The following IQCJ variants were observed in gnomAD, a reference collection of about 807,000 sequenced individuals.
The protein encoded by IQCJ is IQ motif containing J.
A neutral mutation model predicts 11.0 loss-of-function variants in IQCJ; 9 were observed. The observed-to-expected ratio is 0.82, with a 90% confidence interval of 0.49 to 1.43. The LOEUF (loss-of-function observed/expected upper bound fraction) is 1.43. Ranked by LOEUF, IQCJ falls within the 40% of genes most tolerant of loss-of-function variation. The pLI is 0.00. For synonymous variants in IQCJ, 55 were observed against 51.3 expected, an observed-to-expected ratio of 1.07 and a Z score of -0.31; for missense variants, 146 against 133.2, an observed-to-expected ratio of 1.10 and a Z score of -0.47.
At chr3:159,108,248 A>G (rs1000459468) in intron 1 of IQCJ, among the ~76,000 whole-genome samples, 1 of 152,204 alleles carries the variant, frequency 6.6e-6, no homozygotes, top group African/African-American at 2.4e-5. Flanking sequence ...CTTTTATGTC[A>G]GCAATAATGA....
chr3:159,094,323 A>G (rs377367504), intron 1 of IQCJ, among the ~76,000 whole-genome samples: 1 of 150,966 alleles, frequency 6.6e-6, no homozygotes, highest in Non-Finnish European at 1.5e-5. Context: ...GAGATTTGAT[A>G]TTATAGAAAA....
intron 1 of IQCJ, among the ~76,000 whole-genome samples, chr3:159,213,736 T>G (rs1725074503): frequency 6.6e-6 from 1 of 152,216 alleles, no homozygotes; most frequent in Non-Finnish European, 1.5e-5. Flanking sequence ...AAATATTAAC[T>G]TAAAAGTCTC....
chr3:159,123,604 G>C (rs1460468479), intron 1 of IQCJ, among the ~76,000 whole-genome samples: 1 of 152,130 alleles, frequency 6.6e-6, no homozygotes, highest in Non-Finnish European at 1.5e-5. Flanking sequence ...GGAACAGAAT[G>C]GGTGGGCAGG....
At chr3:159,164,708 T>A (rs1577053863) in intron 1 of IQCJ, among the ~76,000 whole-genome samples, 1 of 152,014 alleles carries the variant, frequency 6.6e-6, no homozygotes, top group Non-Finnish European at 1.5e-5. Flanking sequence ...GCAGAGGCTG[T>A]GGTGAGCCGA....
intron 1 of IQCJ, among the ~76,000 whole-genome samples, chr3:159,122,215 T>A (rs1169447602): frequency 6.6e-6 from 1 of 152,172 alleles, no homozygotes; most frequent in Non-Finnish European, 1.5e-5. Context: ...CATGACCTAA[T>A]TACATTTCAA....
chr3:159,192,108 C>T (rs1454397748), intron 1 of IQCJ, among the ~76,000 whole-genome samples: 1 of 152,134 alleles, frequency 6.6e-6, no homozygotes, highest in Non-Finnish European at 1.5e-5. Context: ...CATGACTATG[C>T]CAAAAGCTTT....
At chr3:159,204,788 TGA>T (rs1724549465) in intron 1 of IQCJ, among the ~76,000 whole-genome samples, 2 of 152,284 alleles carry the variant, frequency 1.3e-5, no homozygotes, top group South Asian at 4.2e-4. Context: ...TCTGTGAGTG[TGA>T]GTGTGAATGA....
Position 159,255,669 on chromosome 3 carries a change from C to T in IQCJ, c.155+2862C>T, listed in dbSNP as rs569615517. Among the ~76,000 whole-genome samples the T allele has an allele frequency of 5.9e-5, 9 of 152,162 alleles. No individual in the cohort carries two copies. The South Asian group carries it at 8.3e-4, about 14-fold the overall frequency. ...AGTTGAAGGGAGTGTCACAAAGGGT[C>T]CATTACCTGGTTCATGAATGCAACT... On this transcript the variant is annotated intron_variant, in intron 3 of 3. Coordinates refer to ENST00000397832, the MANE Select transcript of IQCJ (RefSeq NM_001042706.3).
At chr3:159,216,761 C>T (rs543874969) in intron 1 of IQCJ, among the ~76,000 whole-genome samples, 9 of 152,106 alleles carry the variant, frequency 5.9e-5, no homozygotes, top group African/African-American at 2.2e-4. Context: ...GTTCAGTTGG[C>T]AATACAATAG....
At chr3:159,091,380 TC>T (rs1051198803) in intron 1 of IQCJ, among the ~76,000 whole-genome samples, 4 of 151,728 alleles carry the variant, frequency 2.6e-5, no homozygotes, top group African/African-American at 9.7e-5. Context: ...ATTGCTGACT[TC>T]TCAACTTCTT....
At position 159,262,739 on chromosome 3, in the gene IQCJ, G is replaced by T; in HGVS notation, c.*8G>T. ...GACTTGACATTCAACTGAAAGCCTA[G>T]ACTTTGGTTCTAAGAGAGAAATCTT... On this transcript the variant is annotated 3_prime_UTR_variant, in exon 4 of 4. Coordinates refer to ENST00000397832, the MANE Select transcript of IQCJ (RefSeq NM_001042706.3). 1 of 1,611,318 alleles carries T rather than the reference G, an allele frequency of 6.2e-7. No homozygotes were observed. The highest frequency in any genetic ancestry group is 1.1e-5 in the South Asian group (1 of 90,920).
intron 1 of IQCJ, among the ~76,000 whole-genome samples, chr3:159,173,530 T>C (rs1194252170): frequency 1.3e-5 from 2 of 152,216 alleles, no homozygotes; most frequent in African/African-American, 4.8e-5. Flanking sequence ...ATTTCTCTTC[T>C]TGCCAAAGAT....
intron 1 of IQCJ, among the ~76,000 whole-genome samples, chr3:159,231,266 G>T (rs1726231145): frequency 6.6e-6 from 1 of 152,202 alleles, no homozygotes; most frequent in Non-Finnish European, 1.5e-5. Context: ...TACATCAAAT[G>T]AGGAAACTTG....
intron 3 of IQCJ, among the ~76,000 whole-genome samples, chr3:159,254,197 G>A (rs1727764700): frequency 6.6e-6 from 1 of 152,188 alleles, no homozygotes; most frequent in Non-Finnish European, 1.5e-5. Context: ...TGAAAGAAAA[G>A]TTGGTGTATG....
intron 1 of IQCJ, among the ~76,000 whole-genome samples, chr3:159,148,976 C>A (rs1381991178): frequency 6.6e-6 from 1 of 152,134 alleles, no homozygotes; most frequent in African/African-American, 2.4e-5. Context: ...ATGGATGGCA[C>A]CTCTGTCACC....
In IQCJ at chr3:159,200,104, A is replaced by AATATATATATATATATAT. The variant is rs539820364; in HGVS notation, c.10-45723_10-45722insATATATATATATATATAT. The stretch of plus-strand genomic sequence containing the variant: ...ATATGTATGTATGTGTTTATACATA[A>AATATATATATATATATAT]ATATATATATATATATCACTTTGAA... On this transcript the variant is annotated intron_variant, in intron 1 of 3. Transcript: ENST00000397832. 1.9e-3 allele frequency among the ~76,000 whole-genome samples: 226 copies of AATATATATATATATATAT among 116,896 alleles called. 10 individuals are homozygous for AATATATATATATATATAT. The highest frequency in any genetic ancestry group is 7.7e-3 in the African/African-American group (203 of 26,342). The allele number at this position is 116,896 out of a possible 152,430, so 76.7% of individuals were successfully genotyped here.
At chr3:159,257,726 T>C (rs1197823003) in intron 3 of IQCJ, among the ~76,000 whole-genome samples, 2 of 152,226 alleles carry the variant, frequency 1.3e-5, no homozygotes, top group African/African-American at 2.4e-5. Context: ...TTAGGATAGC[T>C]TTTAGCTAGC....
intron 1 of IQCJ, among the ~76,000 whole-genome samples, chr3:159,211,381 G>C (rs1056396960): frequency 6.6e-6 from 1 of 152,152 alleles, no homozygotes; most frequent in Non-Finnish European, 1.5e-5. Context: ...GATTATTAGG[G>C]TGACTGTATA....
intron 1 of IQCJ, among the ~76,000 whole-genome samples, chr3:159,127,496 C>G (rs774302713): frequency 6.6e-6 from 1 of 152,132 alleles, no homozygotes; most frequent in Non-Finnish European, 1.5e-5. Context: ...GTTTTTAATC[C>G]TGGCAGCACT....
Sources: gnomAD v4.1 joint callset for allele counts (sites outside exome capture counted in the v4.1 genomes callset) on GRCh38, gnomAD v4.1.1 for gene constraint, MANE v1.5 for transcripts, NCBI Gene and HGNC (gene_info 2026-07-23, HGNC 2026-07-21) for gene names.